Variants in MRTFB observed in about 807,000 individuals in gnomAD.
The protein encoded by MRTFB is myocardin-related transcription factor B.
MRTFB carries 29 observed loss-of-function variants against 104.2 expected under a neutral mutation model. That is an observed-to-expected ratio of 0.28 (90% CI 0.21 to 0.38). MRTFB has a LOEUF of 0.38. Among genes scored for constraint, MRTFB ranks in the 10% least tolerant of loss-of-function variants. The pLI, the probability that MRTFB is intolerant of heterozygous loss-of-function variation, is 1.00. For synonymous variants in MRTFB, 535 were observed against 519.5 expected, an observed-to-expected ratio of 1.03 and a Z score of -0.41; for missense variants, 1,270 against 1,341.6, an observed-to-expected ratio of 0.95 and a Z score of 0.83.
intron 2 of MRTFB, among the ~76,000 whole-genome samples, chr16:14,109,295 C>T (rs1028794013): frequency 2.6e-5 from 4 of 152,118 alleles, no homozygotes; most frequent in African/African-American, 7.2e-5. Context: ...TGAACAGCAC[C>T]TGCCACTTAG....
At chr16:14,073,762 GCTT>G (rs2033875422) in intron 1 of MRTFB, among the ~76,000 whole-genome samples, 1 of 152,180 alleles carries the variant, frequency 6.6e-6, no homozygotes, top group Admixed American at 6.5e-5. Context: ...CCTTTAAATA[GCTT>G]CTTCTGCTTA....
chr16:14,019,128 T>C, the MRTFB span: 4 of 152,298 alleles, frequency 2.6e-5, no homozygotes, highest in African/African-American at 9.7e-5. Flanking sequence ...CAGCAAAGCA[T>C]AAAGTCTCAA....
At chr16:14,167,149 C>T (rs946800033) in intron 3 of MRTFB, among the ~76,000 whole-genome samples, 1 of 152,220 alleles carries the variant, frequency 6.6e-6, no homozygotes, top group Non-Finnish European at 1.5e-5. Flanking sequence ...GTTCCTATTT[C>T]TCCGCAGCCT....
At chr16:14,053,075 A>C in the MRTFB span, among the ~76,000 whole-genome samples, 77 of 152,248 alleles carry the variant, frequency 5.1e-4, 1 homozygote, top group African/African-American at 1.8e-3. Context: ...ACTGACATAC[A>C]ATGGTGTTCC....
Position 14,252,015 on chromosome 16 carries a change from C to A in MRTFB, c.2557C>A (p.Pro853Thr). ...LPSLQNGPNT[P>T]NKPSSPPPPQ... ...ATCCCTGCAAAATGGACCTAACACA[C>A]CCAACAAGGTAACCCTGTGAGGCTT... Residue 853 changes from proline (P) to threonine (T), a missense_variant, in exon 14 of 17, where the codon CCC becomes ACC. Around this residue, in one of 3 missense-constraint regions of MRTFB, gnomAD observed 1,144 missense variants for 1,131.5 expected, o/e 1.01. Transcript: ENST00000571589. 6.2e-7 allele frequency: 1 copy of A among 1,614,016 alleles called. No homozygotes were observed.
At chr16:14,176,353 A>C (rs928058548) in intron 3 of MRTFB, among the ~76,000 whole-genome samples, 1 of 152,262 alleles carries the variant, frequency 6.6e-6, no homozygotes, top group African/African-American at 2.4e-5. Flanking sequence ...AAGATGGGGT[A>C]AGGGGTTTCG....
intron 2 of MRTFB, among the ~76,000 whole-genome samples, chr16:14,114,669 T>C (rs1313180739): frequency 6.6e-6 from 1 of 152,234 alleles, no homozygotes; most frequent in Non-Finnish European, 1.5e-5. Flanking sequence ...CTGTAGTTTT[T>C]TTGGACCAGT....
the MRTFB span, among the ~76,000 whole-genome samples, chr16:14,062,761 C>T: frequency 6.6e-6 from 1 of 152,232 alleles, no homozygotes; most frequent in African/African-American, 2.4e-5. Context: ...ATGCCCCAAA[C>T]CACACTGCAG....
At chr16:14,055,635 G>A in the MRTFB span, among the ~76,000 whole-genome samples, 2 of 152,156 alleles carry the variant, frequency 1.3e-5, no homozygotes, top group African/African-American at 4.8e-5. Context: ...ATTAGACGGA[G>A]GTTATGGGTT....
the MRTFB span, among the ~76,000 whole-genome samples, chr16:14,033,236 CA>C: frequency 6.6e-6 from 1 of 151,702 alleles, no homozygotes; most frequent in Non-Finnish European, 1.5e-5. Context: ...CCCATCTCTA[CA>C]AAAATTTAAA....
chr16:14,259,388 A>G (rs1452039456), intron 16 of MRTFB, among the ~76,000 whole-genome samples: 4 of 152,220 alleles, frequency 2.6e-5, no homozygotes, highest in African/African-American at 7.2e-5. Flanking sequence ...TTTTAATGAC[A>G]AAGTATCCAG....
At chr16:14,106,617 T>A (rs2035991762) in intron 2 of MRTFB, among the ~76,000 whole-genome samples, 1 of 152,172 alleles carries the variant, frequency 6.6e-6, no homozygotes, top group Admixed American at 6.5e-5. Context: ...AGTTTGACAT[T>A]TAGTAAGCTC....
intron 3 of MRTFB, among the ~76,000 whole-genome samples, chr16:14,203,276 C>T (rs1429994886): frequency 6.6e-6 from 1 of 152,126 alleles, no homozygotes; most frequent in Non-Finnish European, 1.5e-5. Context: ...CTTTCCCACC[C>T]TCCTTCATAC....
At chr16:14,159,754 C>T (rs2038959141) in intron 3 of MRTFB, among the ~76,000 whole-genome samples, 1 of 151,134 alleles carries the variant, frequency 6.6e-6, no homozygotes, top group Non-Finnish European at 1.5e-5. Context: ...ACGGTGAAAC[C>T]CCGTCTCTAC....
chr16:14,210,227 TA>T lies in MRTFB; in HGVS notation c.155-15del. 1 of 1,609,944 alleles carries T rather than the reference TA, an allele frequency of 6.2e-7. No individual in the cohort carries two copies. Among genetic ancestry groups the T allele is most frequent in the Non-Finnish European group, 8.5e-7 (1 of 1,177,182 alleles). ...GTTGCCGATAAACTCCAATGGTGAT[TA>T]TTTCCTTTTCACAGTGCTCCAGCTG... On this transcript the variant is annotated splice_polypyrimidine_tract_variant and intron_variant, in intron 3 of 16. Transcript: ENST00000571589.
chr16:14,127,414 G>A (rs916607457), intron 2 of MRTFB, among the ~76,000 whole-genome samples: 3 of 151,962 alleles, frequency 2.0e-5, no homozygotes, highest in African/African-American at 4.8e-5. Flanking sequence ...CACCAGAGGC[G>A]GGTGGATCAC....
At chr16:14,243,459 C>G (rs1281322698) in intron 10 of MRTFB, among the ~76,000 whole-genome samples, 1 of 152,190 alleles carries the variant, frequency 6.6e-6, no homozygotes, top group African/African-American at 2.4e-5. Context: ...AGCACCAAGG[C>G]TTTGTGTGAT....
chr16:14,171,442 T>G (rs1371536631), intron 3 of MRTFB, among the ~76,000 whole-genome samples: 1 of 150,978 alleles, frequency 6.6e-6, no homozygotes, highest in Non-Finnish European at 1.5e-5. Flanking sequence ...TTGCAGTGAG[T>G]GAGCTGAGAT....
At chr16:14,154,179 T>G (rs547196392) in intron 3 of MRTFB, among the ~76,000 whole-genome samples, 1 of 152,138 alleles carries the variant, frequency 6.6e-6, no homozygotes, top group African/African-American at 2.4e-5. Flanking sequence ...CAAAAAAATT[T>G]TAAAAATTAG....
Sources: gnomAD v4.1 joint callset for allele counts (sites outside exome capture counted in the v4.1 genomes callset) on GRCh38, gnomAD v4.1.1 for gene constraint, gnomAD v4.1.1 regional missense constraint, MANE v1.5 for transcripts, NCBI Gene and HGNC (gene_info 2026-07-23, HGNC 2026-07-21) for gene names.